TRAF3IP1: variants seen among roughly 807,000 people sequenced by gnomAD.
TRAF3IP1 encodes the protein TRAF3-interacting protein 1.
A neutral mutation model predicts 89.9 loss-of-function variants in TRAF3IP1; 53 were observed. The ratio of observed to expected loss-of-function variants is 0.59; its 90% CI spans 0.47 to 0.74. The LOEUF (loss-of-function observed/expected upper bound fraction) is 0.74, where lower values mean the gene tolerates loss of function less well. TRAF3IP1 is among the 30% of genes least tolerant of loss of function. The pLI, the probability that TRAF3IP1 is intolerant of heterozygous loss-of-function variation, is 0.00. For synonymous variants in TRAF3IP1, 311 were observed against 322.1 expected, an observed-to-expected ratio of 0.97 and a Z score of 0.37; for missense variants, 806 against 866.1, an observed-to-expected ratio of 0.93 and a Z score of 0.87.
chr2:238,383,342 G>T (rs577744250), intron 15 of TRAF3IP1, among the ~76,000 whole-genome samples: 23 of 152,328 alleles, frequency 1.5e-4, no homozygotes, highest in Admixed American at 1.3e-3. Context: ...CACAGTAGGT[G>T]CTCAGTAAGT....
intron 6 of TRAF3IP1, among the ~76,000 whole-genome samples, chr2:238,333,479 G>A (rs1698226963): frequency 6.6e-6 from 1 of 152,204 alleles, no homozygotes; most frequent in Non-Finnish European, 1.5e-5. Flanking sequence ...TAGGCATAGA[G>A]TAGAGGCTGG....
At chr2:238,339,868 C>A (rs1241836888) in intron 8 of TRAF3IP1, among the ~76,000 whole-genome samples, 1 of 152,248 alleles carries the variant, frequency 6.6e-6, no homozygotes, top group Non-Finnish European at 1.5e-5. Context: ...TCTCCAGACA[C>A]GTAGTGAGGA....
intron 7 of TRAF3IP1, among the ~76,000 whole-genome samples, chr2:238,337,434 C>T (rs775042822): frequency 3.5e-4 from 53 of 152,292 alleles, no homozygotes; most frequent in African/African-American, 1.0e-3. Flanking sequence ...CTGCTGTTCC[C>T]GGTCCACAGC....
At chr2:238,346,255 C>T (rs927217759) in intron 9 of TRAF3IP1, among the ~76,000 whole-genome samples, 3 of 152,112 alleles carry the variant, frequency 2.0e-5, no homozygotes, top group Non-Finnish European at 2.9e-5. Flanking sequence ...GTCCTCTGCC[C>T]CCATTGGCCC....
At chr2:238,332,693 C>A in intron 5 of TRAF3IP1, 131 bp from the exon 6 acceptor site, 1 of 677,704 alleles carries the variant, frequency 1.5e-6, no homozygotes, top group Non-Finnish European at 2.6e-6. Context: ...CAGAGCTGGA[C>A]TGGCGATGTG....
intron 15 of TRAF3IP1, among the ~76,000 whole-genome samples, chr2:238,382,337 G>A (rs1165356760): frequency 6.6e-6 from 1 of 152,074 alleles, no homozygotes; most frequent in Non-Finnish European, 1.5e-5. Flanking sequence ...TGACTGTCAA[G>A]GATAAGAAAA....
At chr2:238,390,282 A>T (rs1700940674) in intron 15 of TRAF3IP1, among the ~76,000 whole-genome samples, 1 of 152,230 alleles carries the variant, frequency 6.6e-6, no homozygotes, top group Admixed American at 6.5e-5. Context: ...CGATGTTCAC[A>T]GCAGACTTCC....
chr2:238,326,446 CCT>C, intron 3 of TRAF3IP1, among the ~76,000 whole-genome samples: 1 of 152,144 alleles, frequency 6.6e-6, no homozygotes, highest in East Asian at 1.9e-4. Flanking sequence ...TGTTGCCCTT[CCT>C]CTCTCTCTTC....
At chr2:238,353,494 A>T (rs1238575521) in intron 14 of TRAF3IP1, among the ~76,000 whole-genome samples, 1 of 152,176 alleles carries the variant, frequency 6.6e-6, no homozygotes, top group African/African-American at 2.4e-5. Context: ...CTTCCGTACG[A>T]TTAAATTGTG....
At chr2:238,396,972 G>A (rs1344858207) in intron 15 of TRAF3IP1, among the ~76,000 whole-genome samples, 1 of 152,146 alleles carries the variant, frequency 6.6e-6, no homozygotes, top group Non-Finnish European at 1.5e-5. Context: ...TCTCCTTTGG[G>A]TTTCTTTCCC....
chr2:238,329,367 C>G (rs1451036303), intron 5 of TRAF3IP1, 25 bp downstream of exon 5: 1 of 1,341,024 alleles, frequency 7.5e-7, no homozygotes, highest in Non-Finnish European at 9.6e-7. Flanking sequence ...AGAACCTCGC[C>G]TTTTGCTTAG....
chr2:238,332,966 T>C, intron 6 of TRAF3IP1, 71 bp downstream of exon 6: 15 of 1,162,312 alleles, frequency 1.3e-5, no homozygotes, highest in Non-Finnish European at 1.8e-5. Flanking sequence ...TGCTGTGCGC[T>C]CCCCGGGTCC....
chr2:238,328,796 A>G lies in TRAF3IP1; in HGVS notation c.465A>G (p.Arg155=). The part of the protein sequence containing the change: ...RSQELDNKNV[R]EEESRVHKNT... ...AGGAATTGGATAATAAGAATGTGCG[A>G]GAAGAAGAGTCCAGAGTTCACAAAA... Residue 155 remains arginine, a synonymous_variant, in exon 4 of 17, where the codon CGA becomes CGG. Coordinates refer to ENST00000373327, the MANE Select transcript of TRAF3IP1 (RefSeq NM_015650.4). 6.2e-7 allele frequency: 1 copy of G among 1,614,150 alleles called. No individual in the cohort carries two copies. Among genetic ancestry groups the G allele is most frequent in the Non-Finnish European group, 8.5e-7 (1 of 1,180,022 alleles).
intron 7 of TRAF3IP1, among the ~76,000 whole-genome samples, chr2:238,335,879 A>G (rs1698369645): frequency 6.6e-6 from 1 of 151,766 alleles, no homozygotes; most frequent in Non-Finnish European, 1.5e-5. Flanking sequence ...GGCTCACTGC[A>G]ACCTCACTGC....
At position 238,397,451 on chromosome 2, in the gene TRAF3IP1, G is replaced by A; in HGVS notation, c.1690-8G>A. Reference sequence around the variant, plus strand: ...CGTGTTCCTCTTCCTATGTCTCCCTGACTGTAGGAGCGATCTCTCTTTGAG... The same window carrying A: ...CGTGTTCCTCTTCCTATGTCTCCCTAACTGTAGGAGCGATCTCTCTTTGAG... On this transcript the variant is annotated splice_polypyrimidine_tract_variant and splice_region_variant and intron_variant, in intron 15 of 16. Transcript: ENST00000373327. 6.2e-7 allele frequency: 1 copy of A among 1,612,292 alleles called. No homozygotes were observed. The highest frequency in any genetic ancestry group is 8.5e-7 in the Non-Finnish European group (1 of 1,179,576).
intron 15 of TRAF3IP1, among the ~76,000 whole-genome samples, chr2:238,362,770 A>G (rs1382872172): frequency 6.6e-6 from 1 of 152,252 alleles, no homozygotes; most frequent in Non-Finnish European, 1.5e-5. Flanking sequence ...AGTGCCTGCC[A>G]TGCTCAGAAA....
At chr2:238,341,376 C>T (rs933877620) in intron 8 of TRAF3IP1, among the ~76,000 whole-genome samples, 5 of 152,010 alleles carry the variant, frequency 3.3e-5, no homozygotes, top group Non-Finnish European at 5.9e-5. Context: ...AACATCCTAA[C>T]ACTTTATCTC....
At chr2:238,332,534 C>T (rs565260860) in intron 5 of TRAF3IP1, among the ~76,000 whole-genome samples, 5 of 152,168 alleles carry the variant, frequency 3.3e-5, no homozygotes, top group South Asian at 4.2e-4. Context: ...TTCGGTGTGG[C>T]GTAGGGATTC....
Position 238,320,778 on chromosome 2 carries a change from T to C in TRAF3IP1, c.116T>C (p.Ile39Thr). Residue 39 changes from isoleucine to threonine, a missense_variant, in exon 1 of 17, where the codon ATC becomes ACC. Around this residue, in one of 3 missense-constraint regions of TRAF3IP1, gnomAD observed 732 missense variants for 780.5 expected, o/e 0.94. Coordinates refer to ENST00000373327, the MANE Select transcript of TRAF3IP1 (RefSeq NM_015650.4). ...CCGTTCCGCTACCTGCACGACATCATCACGGAGGTGGGCGCCGGGGACCGG... is the reference window on the plus strand; with the variant it reads ...CCGTTCCGCTACCTGCACGACATCACCACGGAGGTGGGCGCCGGGGACCGG... The part of the protein sequence containing the change: ...KPPFRYLHDI[I>T]TEVIRMTGFM... The C allele has an allele frequency of 7.1e-7, 1 of 1,416,716 alleles. No homozygotes were observed. Among genetic ancestry groups the C allele is most frequent in the African/African-American group, 1.5e-5 (1 of 66,740 alleles). The allele number at this position is 1,416,716 out of a possible 1,614,324, so 87.8% of individuals were successfully genotyped here.
Sources: gnomAD v4.1 joint callset for allele counts (sites outside exome capture counted in the v4.1 genomes callset) on GRCh38, gnomAD v4.1.1 for gene constraint, gnomAD v4.1.1 regional missense constraint, MANE v1.5 for transcripts, NCBI Gene and HGNC (gene_info 2026-07-23, HGNC 2026-07-21) for gene names.